Variants in NCAPD3 observed in about 807,000 individuals in gnomAD.
NCAPD3 encodes non-SMC condensin II complex subunit D3.
A neutral mutation model predicts 182.9 loss-of-function variants in NCAPD3; 105 were observed. The observed-to-expected ratio is 0.57, with a 90% CI of 0.49 to 0.68. The LOEUF (loss-of-function observed/expected upper bound fraction) is 0.68, where lower values mean the gene tolerates loss of function less well. Among genes scored for constraint, NCAPD3 ranks in the 30% least tolerant of loss-of-function variants. The pLI is 0.00. For missense variants in NCAPD3, 1,944 were observed against 1,837.0 expected (o/e 1.06, Z -1.07); for synonymous variants, 815 against 679.9 (o/e 1.20, Z -3.09).
chr11:134,203,520 T>C, intron 11 of NCAPD3, 134 bp downstream of exon 11: 1 of 1,213,748 alleles, frequency 8.2e-7, no homozygotes. Context: ...GAAAATATAC[T>C]AAAAATGGTT....
Position 134,158,398 on chromosome 11 carries a change from G to A in NCAPD3, c.3965C>T (p.Ala1322Val), listed in dbSNP as rs143857348. ...AGGAGATGATACTGCTACATGGCCA[G>A]CACTTGCCCTGGGTGTGCAGGGCTG... ...VSQPCTPRAS[A>V]GHVAVSSPTP... The change falls in exon 30 of 35, where the codon GCT becomes GTT. Residue 1322 changes from alanine to valine, a missense_variant. Around this residue, in one of 3 missense-constraint regions of NCAPD3, gnomAD observed 1,803 missense variants for 1,674.6 expected, o/e 1.08. Coordinates refer to ENST00000534548, the MANE Select transcript of NCAPD3 (RefSeq NM_015261.3). The A allele has an allele frequency of 1.2e-6, 2 of 1,614,232 alleles. No individual in the cohort carries two copies. Among genetic ancestry groups the A allele is most frequent in the South Asian group, 1.1e-5 (1 of 91,086 alleles).
rs201505221 is a variant in NCAPD3, at chr11:134,166,817, ACT to A, written c.3573+1177_3573+1178del. ...TGAGAGGAGCTTAGGGGAGCTGCAC[ACT>A]CACTTGTGAGATGAGCTTGGGGGAG... On this transcript the variant is annotated intron_variant, in intron 27 of 34. Transcript: ENST00000534548. Among the ~76,000 whole-genome samples, 515 of 101,742 alleles carry A rather than the reference ACT, an allele frequency of 5.1e-3. 10 individuals carry two copies. Among genetic ancestry groups the A allele is most frequent in the Non-Finnish European group, 8.0e-3 (408 of 50,742 alleles). 66.7% of individuals were successfully genotyped at this position (101,742 alleles called of 152,430 possible). A position where few individuals can be genotyped will look rare whatever the true frequency, so the allele number is the denominator to read the frequency against.
chr11:134,221,141 T>G (rs1938211307), intron 1 of NCAPD3, among the ~76,000 whole-genome samples: 1 of 152,190 alleles, frequency 6.6e-6, no homozygotes, highest in Admixed American at 6.5e-5. Flanking sequence ...AGCACTTTAT[T>G]GGGCCCTTGG....
intron 13 of NCAPD3, among the ~76,000 whole-genome samples, chr11:134,196,864 T>C (rs747919592): frequency 2.8e-4 from 42 of 152,142 alleles, no homozygotes; most frequent in Non-Finnish European, 4.6e-4. Context: ...AGGTGAGTAC[T>C]ACCCTGATAG....
intron 23 of NCAPD3, 35 bp from the exon 24 acceptor site, chr11:134,176,421 G>T: frequency 1.3e-6 from 2 of 1,572,684 alleles, no homozygotes; most frequent in Non-Finnish European, 1.7e-6. Context: ...TTCAGAGTGC[G>T]TCATCATGGG....
At chr11:134,189,518 G>A (rs927015990) in intron 16 of NCAPD3, among the ~76,000 whole-genome samples, 2 of 152,062 alleles carry the variant, frequency 1.3e-5, no homozygotes, top group African/African-American at 4.8e-5. Flanking sequence ...TTTGACCTTC[G>A]AGTTATTTAG....
Position 134,151,806 on chromosome 11 carries a change from C to T in NCAPD3, c.*1138G>A, listed in dbSNP as rs1178255275. The stretch of plus-strand genomic sequence containing the variant: ...CTTACGTTGGGTTTGTCTCTTCTTC[C>T]TAGCATTTCAGTGGTTAGGCATGCA... On this transcript the variant is annotated 3_prime_UTR_variant, in exon 35 of 35. Transcript: ENST00000534548. 1 of 152,102 alleles carries T rather than the reference C, an allele frequency of 6.6e-6. No individual in the cohort carries two copies. The highest frequency in any genetic ancestry group is 1.5e-5 in the Non-Finnish European group (1 of 68,012). 9.4% of individuals were successfully genotyped at this position (152,102 alleles called of 1,614,324 possible).
Position 134,190,189 on chromosome 11 carries a change from A to G in NCAPD3, c.2045+2500T>C, listed in dbSNP as rs1313238059. Among the ~76,000 whole-genome samples, 7 of 152,262 alleles carry G rather than the reference A, an allele frequency of 4.6e-5. No homozygotes were observed. The East Asian group carries it at 1.3e-3, about 29-fold the overall frequency. On this transcript the variant is annotated intron_variant, in intron 16 of 34. Transcript: ENST00000534548. ...TCTACTGGCTCAGAAGTTACATACGACTATCCCTGGTTGTCTGCAGTGTTA... is the reference window on the plus strand; with the variant it reads ...TCTACTGGCTCAGAAGTTACATACGGCTATCCCTGGTTGTCTGCAGTGTTA...
At position 134,153,205 on chromosome 11, in the gene NCAPD3, A is replaced by G. The variant is rs759430514; in HGVS notation, c.4328-5T>C. The G allele has an allele frequency of 2.5e-6, 4 of 1,613,944 alleles. No individual in the cohort carries two copies. Among genetic ancestry groups the G allele is most frequent in the Middle Eastern group, 1.6e-4 (1 of 6,084 alleles). On this transcript the variant is annotated splice_polypyrimidine_tract_variant and splice_region_variant and intron_variant, in intron 33 of 34. Transcript: ENST00000534548. ...GACTCCGGCCTTCAATTTTCTCTAA[A>G]AGGGAGTCAAACAAACACATTCAGC...
At chr11:134,187,008 C>T (rs1277374116) in intron 16 of NCAPD3, among the ~76,000 whole-genome samples, 1 of 152,046 alleles carries the variant, frequency 6.6e-6, no homozygotes, top group Non-Finnish European at 1.5e-5. Context: ...ATGTAGCCAA[C>T]AGAATTGGGA....
chr11:134,160,577 C>T (rs550501205), intron 28 of NCAPD3, among the ~76,000 whole-genome samples: 1 of 152,320 alleles, frequency 6.6e-6, no homozygotes, highest in South Asian at 2.1e-4. Context: ...CAAATCCCAT[C>T]TTTGTGTCTT....
chr11:134,223,917 A>G lies in NCAPD3; in HGVS notation c.10T>C (p.Leu4=), dbSNP rs749539385. 4.3e-6 allele frequency: 7 copies of G among 1,612,472 alleles called. No individual in the cohort carries two copies. Among genetic ancestry groups the G allele is most frequent in the Non-Finnish European group, 5.9e-6 (7 of 1,179,812 alleles). MVA[L]RGLGSGLQPW... is the part of the protein sequence containing the mutation. ...TGCAGGCCGCTACCAAGGCCCCGCA[A>G]CGCCACCATGATCCCAGGGCACCGG... The change falls in exon 1 of 35, where the codon TTG becomes CTG. Residue 4 remains leucine, a synonymous_variant. Transcript: ENST00000534548.
At chr11:134,212,593 T>C (rs1043828510) in intron 3 of NCAPD3, among the ~76,000 whole-genome samples, 1 of 152,170 alleles carries the variant, frequency 6.6e-6, no homozygotes, top group African/African-American at 2.4e-5. Flanking sequence ...GGTTTCACCA[T>C]GTTGGCCAGG....
At chr11:134,170,152 A>G (rs904548657) in intron 24 of NCAPD3, among the ~76,000 whole-genome samples, 1 of 152,212 alleles carries the variant, frequency 6.6e-6, no homozygotes, top group African/African-American at 2.4e-5. Context: ...GCCCAGATAA[A>G]AATTCCACTG....
At chr11:134,173,781 G>A (rs1422268093) in intron 24 of NCAPD3, 1 of 152,256 alleles carries the variant, frequency 6.6e-6, no homozygotes, top group East Asian at 1.9e-4. Flanking sequence ...ACTACAGGCT[G>A]GGCTCACTAA....
At chr11:134,165,030 G>C (rs1943723672) in intron 27 of NCAPD3, among the ~76,000 whole-genome samples, 1 of 150,998 alleles carries the variant, frequency 6.6e-6, no homozygotes, top group South Asian at 2.1e-4. Flanking sequence ...TGTGAGATGA[G>C]CTTAGAGGAG....
intron 32 of NCAPD3, among the ~76,000 whole-genome samples, chr11:134,154,547 A>ACCCCTCCTGGGTGGTGCAGCCTCG (rs66872311): frequency 0.025 from 2,313 of 93,166 alleles, 101 homozygotes; most frequent in East Asian, 0.039. Context: ...GTGCAGCCTC[A>ACCCCTCCTGGGTGGTGCAGCCTCG]CCCCTCCTGG....
At chr11:134,164,299 G>A (rs551962328) in intron 27 of NCAPD3, among the ~76,000 whole-genome samples, 14 of 152,350 alleles carry the variant, frequency 9.2e-5, no homozygotes, top group Non-Finnish European at 1.2e-4. Flanking sequence ...AGGAGATGAA[G>A]AGCAGAAAGA....
intron 19 of NCAPD3, among the ~76,000 whole-genome samples, chr11:134,182,674 A>T (rs1944322753): frequency 6.6e-6 from 1 of 152,246 alleles, no homozygotes; most frequent in African/African-American, 2.4e-5. Context: ...TACTGATACA[A>T]GATCTCATCA....
Sources: gnomAD v4.1 joint callset for allele counts (sites outside exome capture counted in the v4.1 genomes callset) on GRCh38, gnomAD v4.1.1 for gene constraint, gnomAD v4.1.1 regional missense constraint, MANE v1.5 for transcripts, NCBI Gene and HGNC (gene_info 2026-07-23, HGNC 2026-07-21) for gene names.